The following SEMA4D variants were observed in gnomAD, a reference collection of about 807,000 sequenced individuals.
The protein encoded by SEMA4D is semaphorin 4D, also known as semaphorin-4D.
A neutral mutation model predicts 74.8 loss-of-function variants in SEMA4D; 22 were observed. The ratio of observed to expected loss-of-function variants is 0.29; its 90% CI spans 0.21 to 0.42. SEMA4D has a LOEUF of 0.42. Among genes scored for constraint, SEMA4D ranks in the 10% least tolerant of loss-of-function variants. SEMA4D has a pLI of 1.00. For synonymous variants in SEMA4D, 445 were observed against 463.7 expected, an observed-to-expected ratio of 0.96 and a Z score of 0.52; for missense variants, 937 against 1,118.4, an observed-to-expected ratio of 0.84 and a Z score of 2.31.
chr9:89,410,643 A>G (rs1201843331), intron 2 of SEMA4D, among the ~76,000 whole-genome samples: 1 of 152,196 alleles, frequency 6.6e-6, no homozygotes, highest in East Asian at 1.9e-4. Context: ...AGCTCCGGGA[A>G]AAAAAATGAG....
intron 16 of SEMA4D, among the ~76,000 whole-genome samples, chr9:89,371,972 T>TGG (rs1397114255): frequency 5.6e-5 from 7 of 125,458 alleles, no homozygotes; most frequent in African/African-American, 2.2e-4. Flanking sequence ...GTGTGGGGTG[T>TGG]GGTGTGTGTC....
chr9:89,471,406 G>T lies in SEMA4D; in HGVS notation c.-309-15453C>A, dbSNP rs142697774. Among the ~76,000 whole-genome samples, 1,004 of 152,194 alleles carry T rather than the reference G, an allele frequency of 6.6e-3. 8 individuals are homozygous for T. The highest frequency in any genetic ancestry group is 0.023 in the African/African-American group (965 of 41,518). On this transcript the variant is annotated intron_variant, in intron 1 of 15. Coordinates refer to ENST00000422704, the MANE Select transcript of SEMA4D (RefSeq NM_001371194.2). Reference sequence around the variant, plus strand: ...TGTAAAAACTCATGTTCTTCCACAAGAATAGATTTAGAAAATTGTATTTGT... The same window carrying T: ...TGTAAAAACTCATGTTCTTCCACAATAATAGATTTAGAAAATTGTATTTGT...
chr9:89,388,878 G>T lies in SEMA4D; in HGVS notation c.944C>A (p.Pro315Gln). Residue 315 changes from proline to glutamine, a missense_variant, in exon 10 of 16, where the codon CCA becomes CAA. By Grantham distance (76) the Pro-to-Gln change is moderately conservative. Transcript: ENST00000422704. Reference sequence around the variant, plus strand: ...CTCCACCCAGGGCACTTACAGCTGTGGGGTGAAGAGTGCATAGAACACAGG... The same window carrying T: ...CTCCACCCAGGGCACTTACAGCTGTTGGGTGAAGAGTGCATAGAACACAGG... Reference protein sequence around the residue: ...KVPVFYALFTPQLNNVGLSAV... With the variant: ...KVPVFYALFTQQLNNVGLSAV... The T allele has an allele frequency of 6.2e-7, 1 of 1,614,012 alleles. No homozygotes were observed. The highest frequency in any genetic ancestry group is 8.5e-7 in the Non-Finnish European group (1 of 1,179,948).
chr9:89,408,650 G>T (rs922442463), intron 2 of SEMA4D, among the ~76,000 whole-genome samples: 4 of 146,636 alleles, frequency 2.7e-5, no homozygotes, highest in Non-Finnish European at 6.0e-5. Context: ...ACTTCACACT[G>T]GCTCCCGCGC....
At chr9:89,396,608 T>C in intron 6 of SEMA4D, 129 bp downstream of exon 6, 1 of 786,752 alleles carries the variant, frequency 1.3e-6, no homozygotes, top group Admixed American at 2.5e-5. Context: ...CCCCGTTTTC[T>C]GCAGCTGGCT....
chr9:89,413,596 T>G (rs1845010053), intron 2 of SEMA4D, among the ~76,000 whole-genome samples: 1 of 152,274 alleles, frequency 6.6e-6, no homozygotes, highest in African/African-American at 2.4e-5. Context: ...CATGTGTATG[T>G]CTGCATGTCT....
chr9:89,388,187 G>A (rs1352882876), intron 11 of SEMA4D, among the ~76,000 whole-genome samples: 2 of 152,152 alleles, frequency 1.3e-5, no homozygotes, highest in Non-Finnish European at 2.9e-5. Context: ...GCCCCACAGA[G>A]GGCTGTGCAC....
At chr9:89,363,230 T>C (rs770826488) in intron 18 of SEMA4D, among the ~76,000 whole-genome samples, 6 of 152,172 alleles carry the variant, frequency 3.9e-5, no homozygotes, top group Non-Finnish European at 7.3e-5. Context: ...CAGATGCCCC[T>C]TGATCTCCTG....
exon 19 of SEMA4D, chr9:89,362,192 A>C (rs117120897): frequency 4.2e-6 from 3 of 711,034 alleles, no homozygotes; most frequent in East Asian, 5.1e-5. Flanking sequence ...TTTAAGTCTT[A>C]GTTCCTGTCA....
Position 89,389,742 on chromosome 9 carries a change from G to A in SEMA4D, c.775-695C>T, listed in dbSNP as rs568522867. On this transcript the variant is annotated intron_variant, in intron 9 of 15. Coordinates refer to ENST00000422704, the MANE Select transcript of SEMA4D (RefSeq NM_001371194.2). ...AAATAGAAGCAGCCTTACTTATTTT[G>A]GACACAGGGAAAATGTTCCCCCTTC... is the stretch of plus-strand genomic sequence containing the variant. Among the ~76,000 whole-genome samples the A allele has an allele frequency of 3.9e-5, 6 of 152,272 alleles. No individual in the cohort carries two copies. In the South Asian group the frequency reaches 1.2e-3, roughly 32 times the overall value.
chr9:89,497,646 G>A (rs1379494338), intron 1 of SEMA4D, among the ~76,000 whole-genome samples: 33 of 151,726 alleles, frequency 2.2e-4, no homozygotes, highest in African/African-American at 7.7e-4. Context: ...GGAGAAGGCC[G>A]GGGAGGGATA....
chr9:89,404,676 G>T (rs1325247946), intron 3 of SEMA4D, among the ~76,000 whole-genome samples: 3 of 148,926 alleles, frequency 2.0e-5, no homozygotes, highest in African/African-American at 5.0e-5. Flanking sequence ...ATCCCAGGAA[G>T]TGGGGTCCCC....
intron 5 of SEMA4D, among the ~76,000 whole-genome samples, chr9:89,398,850 C>A (rs757232013): frequency 6.6e-6 from 1 of 152,130 alleles, no homozygotes; most frequent in Non-Finnish European, 1.5e-5. Flanking sequence ...GCATCTCTGT[C>A]GCAAGTCCAA....
intron 7 of SEMA4D, 29 bp from the exon 8 acceptor site, chr9:89,392,565 A>ATTTT (rs1840093685): frequency 6.9e-7 from 1 of 1,445,512 alleles, no homozygotes. Context: ...AAAGAGGAAA[A>ATTTT]GGGAACCAAC....
In SEMA4D at chr9:89,399,216, G is replaced by A. The variant is rs370157226; in HGVS notation, c.315+60C>T. 292 of 1,430,340 alleles carry A rather than the reference G, an allele frequency of 2.0e-4. 1 individual carries two copies. The highest frequency in any genetic ancestry group is 8.4e-5 in the Admixed American group (5 of 59,784). 88.6% of individuals were successfully genotyped at this position (1,430,340 alleles called of 1,614,324 possible). A position where few individuals can be genotyped will look rare whatever the true frequency, so the allele number is the denominator to read the frequency against. On this transcript the variant is annotated intron_variant, in intron 5 of 15. Transcript: ENST00000422704. ...ACTGCAGGCATGCTGGCATTCAGTAGATTAAAACAACCAAGAAATACTTGA... is the reference window on the plus strand; with the variant it reads ...ACTGCAGGCATGCTGGCATTCAGTAAATTAAAACAACCAAGAAATACTTGA...
chr9:89,444,827 T>A (rs142498423), intron 2 of SEMA4D, among the ~76,000 whole-genome samples: 43 of 152,054 alleles, frequency 2.8e-4, no homozygotes, highest in African/African-American at 1.0e-3. Flanking sequence ...AATGATACAT[T>A]AATAAAAGAA....
At chr9:89,447,296 G>A (rs1435429233) in intron 2 of SEMA4D, among the ~76,000 whole-genome samples, 1 of 151,974 alleles carries the variant, frequency 6.6e-6, no homozygotes, top group Non-Finnish European at 1.5e-5. Context: ...CCTTGGGCTA[G>A]TCCTCAGATG....
chr9:89,438,462 G>A (rs118034650), intron 2 of SEMA4D, among the ~76,000 whole-genome samples: 1 of 152,226 alleles, frequency 6.6e-6, no homozygotes, highest in African/African-American at 2.4e-5. Context: ...TCCTGCTCAC[G>A]ACAGAGCTGG....
intron 2 of SEMA4D, among the ~76,000 whole-genome samples, chr9:89,451,840 T>C (rs1395279983): frequency 1.3e-5 from 2 of 152,266 alleles, no homozygotes; most frequent in Non-Finnish European, 2.9e-5. Context: ...ACAATCCTTC[T>C]GCATGTCATG....
Sources: allele counts gnomAD v4.1 joint callset (sites outside exome capture counted in the v4.1 genomes callset), GRCh38; gene constraint gnomAD v4.1.1; transcripts MANE v1.5; gene names NCBI Gene and HGNC (gene_info 2026-07-23, HGNC 2026-07-21).